WDR35: variants seen among roughly 807,000 people sequenced by gnomAD.
WDR35 encodes the protein WD repeat-containing protein 35.
Under a neutral mutation model 158.3 loss-of-function variants are expected in WDR35, and 118 were observed. The observed-to-expected ratio is 0.75, with a 90% CI of 0.64 to 0.87. The LOEUF (loss-of-function observed/expected upper bound fraction) is 0.87, where lower values mean the gene tolerates loss of function less well. Among genes scored for constraint, WDR35 ranks in the 40% least tolerant of loss-of-function variants. The probability of loss-of-function intolerance (pLI) is 0.00; values close to 1 mark genes in which losing one functional copy is unlikely to be tolerated. For synonymous variants in WDR35, 448 were observed against 476.1 expected (o/e 0.94, Z 0.77); for missense variants, 1,263 against 1,405.8 (o/e 0.90, Z 1.62).
intron 25 of WDR35, among the ~76,000 whole-genome samples, chr2:19,923,487 C>T (rs377304688): frequency 1.1e-4 from 16 of 152,108 alleles, no homozygotes; most frequent in African/African-American, 1.4e-4. Flanking sequence ...GAGAGTATAA[C>T]GAAGTAACAG....
chr2:19,952,508 C>A (rs2103424586), intron 12 of WDR35, among the ~76,000 whole-genome samples: 1 of 152,298 alleles, frequency 6.6e-6, no homozygotes, highest in South Asian at 2.1e-4. Flanking sequence ...AAACTAATGT[C>A]ATAATCTCTT....
chr2:19,978,748 T>C lies in WDR35; in HGVS notation c.436+3A>G. ...TTAGTTCTATGTCCAATCAATACAT[T>C]ACCATCCACTGAACCAACTATCACA... On this transcript the variant is annotated splice_donor_region_variant and intron_variant, in intron 5 of 26. Coordinates refer to ENST00000281405, the MANE Select transcript of WDR35 (RefSeq NM_020779.4). The C allele has an allele frequency of 1.2e-6, 2 of 1,613,784 alleles. No individual in the cohort carries two copies. Among genetic ancestry groups the C allele is most frequent in the Non-Finnish European group, 1.7e-6 (2 of 1,179,796 alleles).
At chr2:19,950,102 A>G (rs1257491831) in intron 13 of WDR35, among the ~76,000 whole-genome samples, 1 of 152,106 alleles carries the variant, frequency 6.6e-6, no homozygotes, top group Non-Finnish European at 1.5e-5. Context: ...CACTAAGAAG[A>G]GTGTATTCAC....
At position 19,982,495 on chromosome 2, in the gene WDR35, A is replaced by G; in HGVS notation, c.182T>C (p.Leu61Pro). The change falls in exon 3 of 27, where the codon CTT (leucine) becomes CCT (proline). Residue 61 changes from leucine to proline, a missense_variant. Coordinates refer to ENST00000281405, the MANE Select transcript of WDR35 (RefSeq NM_020779.4). ...KLRGLAAPSN[L>P]SMNQTLEGHS... ...ACCTTCAAGAGTCTGATTCATAGAA[A>G]GGTTACTGGGGGCTGCAAGGCCCCT... 1 of 1,613,976 alleles carries G rather than the reference A, an allele frequency of 6.2e-7. No homozygotes were observed. Among genetic ancestry groups the G allele is most frequent in the Non-Finnish European group, 8.5e-7 (1 of 1,179,924 alleles).
chr2:19,932,611 T>C (rs1354244094), intron 22 of WDR35, among the ~76,000 whole-genome samples, 164 bp from the exon 23 acceptor site: 1 of 152,198 alleles, frequency 6.6e-6, no homozygotes. Context: ...ATAAGTCCTA[T>C]AAGCATAAGT....
chr2:19,921,589 A>T (rs1670169704), intron 25 of WDR35, among the ~76,000 whole-genome samples: 1 of 152,240 alleles, frequency 6.6e-6, no homozygotes, highest in Non-Finnish European at 1.5e-5. Flanking sequence ...AAGATGGATT[A>T]AAGACTTAAA....
chr2:19,914,684 A>G (rs1669940929), intron 25 of WDR35, among the ~76,000 whole-genome samples: 1 of 152,222 alleles, frequency 6.6e-6, no homozygotes. Context: ...TTTTGTTAAA[A>G]AAAAAGCAAA....
chr2:19,989,265 G>C lies in WDR35; in HGVS notation c.42C>G (p.Asn14Lys). The C allele has an allele frequency of 1.9e-6, 3 of 1,614,112 alleles. No homozygotes were observed. Among genetic ancestry groups the C allele is most frequent in the Non-Finnish European group, 2.5e-6 (3 of 1,180,012 alleles). Residue 14 changes from asparagine (N) to lysine (K), a missense_variant, in exon 2 of 27, where the codon AAC (asparagine) becomes AAG (lysine). Physicochemically the swap from Asn to Lys is moderately conservative, Grantham distance 94. Coordinates refer to ENST00000281405, the MANE Select transcript of WDR35 (RefSeq NM_020779.4). ...YLSKKISIPN[N>K]VKLQCVSWNK... Reference sequence around the variant, plus strand: ...TCCAGGATACACACTGCAGCTTCACGTTATTGGGAATGGAAATCTGAAAAA... The same window carrying C: ...TCCAGGATACACACTGCAGCTTCACCTTATTGGGAATGGAAATCTGAAAAA...
At chr2:19,928,096 A>G (rs535284497) in intron 25 of WDR35, among the ~76,000 whole-genome samples, 87 of 152,374 alleles carry the variant, frequency 5.7e-4, no homozygotes, top group African/African-American at 1.8e-3. Flanking sequence ...CATGATGGCC[A>G]TAACACCCAC....
chr2:19,985,627 T>C (rs1572371825), intron 2 of WDR35, among the ~76,000 whole-genome samples: 1 of 147,606 alleles, frequency 6.8e-6, no homozygotes, highest in Admixed American at 6.8e-5. Context: ...CTCACGCCTG[T>C]AACCCCAGCA....
chr2:19,938,449 G>A, intron 17 of WDR35, 48 bp from the exon 18 acceptor site: 1 of 1,588,762 alleles, frequency 6.3e-7, no homozygotes, highest in Non-Finnish European at 8.6e-7. Flanking sequence ...TGCCGTTAGA[G>A]TATGTGTTTC....
chr2:19,989,081 A>G, intron 2 of WDR35, 84 bp downstream of exon 2: 2 of 1,173,370 alleles, frequency 1.7e-6, no homozygotes, highest in Admixed American at 1.7e-5. Context: ...AGAACTGCAT[A>G]TTGACAGATA....
intron 9 of WDR35, among the ~76,000 whole-genome samples, chr2:19,968,730 T>C (rs893655956): frequency 1.1e-4 from 16 of 152,214 alleles, no homozygotes; most frequent in African/African-American, 3.6e-4. Context: ...AAATTAAATA[T>C]ATAAGATTTT....
rs1669883785 is a variant in WDR35 at position 19,913,119 on chromosome 2, T to C, written c.*439A>G. On this transcript the variant is annotated 3_prime_UTR_variant, in exon 27 of 27. Transcript: ENST00000281405. ...CTATAGAGAAAGCTCATTTCATTAT[T>C]ACAATTGTTTAACTTCCTTGTAACA... The C allele has an allele frequency of 1.9e-5, 3 of 157,574 alleles. No homozygotes were observed. The highest frequency in any genetic ancestry group is 1.4e-5 in the Non-Finnish European group (1 of 71,382). The allele number at this position is 157,574 out of a possible 1,614,324, so 9.8% of individuals were successfully genotyped here.
Position 19,937,757 on chromosome 2 carries a change from G to A in WDR35, c.2253C>T (p.Leu751=). The change falls in exon 19 of 27, where the codon CTC becomes CTT. Residue 751 remains leucine (L), a synonymous_variant. Coordinates refer to ENST00000281405, the MANE Select transcript of WDR35 (RefSeq NM_020779.4). The part of the protein sequence containing the change: ...GRFEEAERTY[L]EMDRRDLAIG... ...TCATAACTTACCTTCTGTCCATCTCGAGATACGTTCTTTCAGCCTCTTCAA... is the reference window on the plus strand; with the variant it reads ...TCATAACTTACCTTCTGTCCATCTCAAGATACGTTCTTTCAGCCTCTTCAA... 6 of 1,614,036 alleles carry A rather than the reference G, an allele frequency of 3.7e-6. No individual in the cohort carries two copies. The highest frequency in any genetic ancestry group is 5.1e-6 in the Non-Finnish European group (6 of 1,179,974).
intron 24 of WDR35, among the ~76,000 whole-genome samples, chr2:19,930,964 A>G (rs1380509020): frequency 6.6e-6 from 1 of 152,250 alleles, no homozygotes; most frequent in Non-Finnish European, 1.5e-5. Context: ...TATCTAGGAA[A>G]GTTTTAAAAC....
chr2:19,985,761 G>C (rs1246214762), intron 2 of WDR35, among the ~76,000 whole-genome samples: 1 of 151,202 alleles, frequency 6.6e-6, no homozygotes, highest in East Asian at 1.9e-4. Flanking sequence ...GCTGGGCGTG[G>C]TGGCACGCAC....
At chr2:19,932,493 A>G (rs772577693) in intron 22 of WDR35, 46 bp from the exon 23 acceptor site, 2 of 1,609,608 alleles carry the variant, frequency 1.2e-6, no homozygotes, top group South Asian at 2.2e-5. Flanking sequence ...ATTTACAGTC[A>G]CATATATCAT....
At chr2:19,973,479 A>G in intron 8 of WDR35, 84 bp downstream of exon 8, 5 of 1,565,132 alleles carry the variant, frequency 3.2e-6, no homozygotes, top group Non-Finnish European at 3.5e-6. Context: ...ATAAGTTTAC[A>G]CCGTTTCCTT....
Sources: gnomAD v4.1 joint callset for allele counts (sites outside exome capture counted in the v4.1 genomes callset) on GRCh38, gnomAD v4.1.1 for gene constraint, MANE v1.5 for transcripts, NCBI Gene and HGNC (gene_info 2026-07-23, HGNC 2026-07-21) for gene names.